Variants in CHFR observed in about 807,000 individuals in gnomAD.
CHFR encodes the protein E3 ubiquitin-protein ligase CHFR.
A neutral mutation model predicts 87.6 loss-of-function variants in CHFR; 57 were observed. The ratio of observed to expected loss-of-function variants is 0.65; its 90% CI spans 0.53 to 0.81. The LOEUF (loss-of-function observed/expected upper bound fraction) is 0.81, where lower values mean the gene tolerates loss of function less well. CHFR is among the 30% of genes least tolerant of loss of function. The pLI is 0.00. For synonymous variants in CHFR, 381 were observed against 359.2 expected (o/e 1.06, Z -0.69); for missense variants, 797 against 865.8 (o/e 0.92, Z 1.00).
Position 132,834,159 on chromosome 12 carries a change from G to C in CHFR, c.*7395C>G, listed in dbSNP as rs896472197. ...GCAGGTCTGCCGGGCGTACGTGGTG[G>C]GCCTGGGGTCCCCACTGGAAACAGC... On this transcript the variant is annotated 3_prime_UTR_variant, in exon 18 of 18. Transcript: ENST00000450056. 2.0e-5 allele frequency: 3 copies of C among 152,350 alleles called. No individual in the cohort carries two copies. Among genetic ancestry groups the C allele is most frequent in the African/African-American group, 7.2e-5 (3 of 41,398 alleles). The allele number at this position is 152,350 out of a possible 1,614,324, so 9.4% of individuals were successfully genotyped here.
chr12:132,836,745 A>C lies in CHFR; in HGVS notation c.*4809T>G, dbSNP rs1341076723. 2.2e-6 allele frequency: 1 copy of C among 456,082 alleles called. No individual in the cohort carries two copies. 28.3% of individuals were successfully genotyped at this position (456,082 alleles called of 1,614,324 possible). A position where few individuals can be genotyped will look rare whatever the true frequency, so the allele number is the denominator to read the frequency against. ...GACAACCGTGAAAAGTGAGCGACAG[A>C]GGAAGGGGCGCCTGTTTGTGCCGCG... is the stretch of plus-strand genomic sequence containing the variant. On this transcript the variant is annotated 3_prime_UTR_variant, in exon 18 of 18. Coordinates refer to ENST00000450056, the MANE Select transcript of CHFR (RefSeq NM_001161346.2).
chr12:132,881,867 CAAAAAA>C (rs57027326), intron 2 of CHFR, among the ~76,000 whole-genome samples: 1 of 98,154 alleles, frequency 1.0e-5, no homozygotes, highest in Non-Finnish European at 2.1e-5. Flanking sequence ...GACGCTGTCT[CAAAAAA>C]AAAAAAAAAA....
rs113380611 is a variant in CHFR, at chr12:132,836,442, A to T, written c.*5112T>A. On this transcript the variant is annotated 3_prime_UTR_variant, in exon 18 of 18. Transcript: ENST00000450056. Reference sequence around the variant, plus strand: ...CAGTGACAGGCTCCCAGCACGGCGCACGGCACTCACAGTGACAGGCTCCCA... The same window carrying T: ...CAGTGACAGGCTCCCAGCACGGCGCTCGGCACTCACAGTGACAGGCTCCCA... 25 of 316,538 alleles carry T rather than the reference A, an allele frequency of 7.9e-5. No homozygotes were observed. The highest frequency in any genetic ancestry group is 1.2e-4 in the Non-Finnish European group (20 of 170,402). 19.6% of individuals were successfully genotyped at this position (316,538 alleles called of 1,614,324 possible).
rs1950654393 is a variant in CHFR, at chr12:132,837,182, G to A, written c.*4372C>T. ...GGTTTTCTGAGGGGTGGAGGCAGGG[G>A]TCATACATGCTGGGCCTTCAAGGGC... On this transcript the variant is annotated 3_prime_UTR_variant, in exon 18 of 18. Coordinates refer to ENST00000450056, the MANE Select transcript of CHFR (RefSeq NM_001161346.2). The A allele has an allele frequency of 3.7e-6, 1 of 268,488 alleles. No individual in the cohort carries two copies. The highest frequency in any genetic ancestry group is 1.4e-3 in the Middle Eastern group (1 of 724). 16.6% of individuals were successfully genotyped at this position (268,488 alleles called of 1,614,324 possible). A position where few individuals can be genotyped will look rare whatever the true frequency, so the allele number is the denominator to read the frequency against.
Position 132,853,864 on chromosome 12 carries a change from G to A in CHFR, c.1230-291C>T, listed in dbSNP as rs917794599. On this transcript the variant is annotated intron_variant, in intron 10 of 17. Transcript: ENST00000450056. ...CTGACGTGTGCTCCCAGGAGACGAC[G>A]CCAGAGCAGGGCAAGGGCCAGCACG... The A allele has an allele frequency of 1.3e-4, 56 of 424,684 alleles. No homozygotes were observed. The Middle Eastern group carries it at 1.8e-3, about 14-fold the overall frequency. The allele number at this position is 424,684 out of a possible 1,614,324, so 26.3% of individuals were successfully genotyped here.
At chr12:132,885,903 T>C (rs895200623) in intron 2 of CHFR, among the ~76,000 whole-genome samples, 1 of 152,150 alleles carries the variant, frequency 6.6e-6, no homozygotes, top group South Asian at 2.1e-4. Flanking sequence ...TTCAAATACT[T>C]CCTCTTGTCT....
rs1215978243 is a variant in CHFR, at chr12:132,848,304, G to A, written c.1577-149C>T. On this transcript the variant is annotated intron_variant, in intron 13 of 17. Coordinates refer to ENST00000450056, the MANE Select transcript of CHFR (RefSeq NM_001161346.2). ...ATGATAAAACTCAATTTTAAACAGA[G>A]GACAAGCAGAAATGATTTCCATTCC... is the stretch of plus-strand genomic sequence containing the variant. 2.8e-6 allele frequency: 4 copies of A among 1,410,778 alleles called. No homozygotes were observed. The African/African-American group carries it at 5.7e-5, about 20-fold the overall frequency. 87.4% of individuals were successfully genotyped at this position (1,410,778 alleles called of 1,614,324 possible).
At chr12:132,853,328 G>A in intron 11 of CHFR, 103 bp downstream of exon 11, 2 of 1,256,550 alleles carry the variant, frequency 1.6e-6, no homozygotes, top group Non-Finnish European at 2.1e-6. Context: ...GGCGAGCAGT[G>A]CAGACAGGAG....
At chr12:132,852,994 G>A (rs893914764) in intron 11 of CHFR, among the ~76,000 whole-genome samples, 1 of 152,220 alleles carries the variant, frequency 6.6e-6, no homozygotes, top group African/African-American at 2.4e-5. Flanking sequence ...ACCTGACGGG[G>A]AAACATTTCG....
chr12:132,873,600 G>T (rs1951545530), intron 3 of CHFR, among the ~76,000 whole-genome samples: 1 of 142,116 alleles, frequency 7.0e-6, no homozygotes. Context: ...CGCTGGAGCT[G>T]GACTGACTTT....
At chr12:132,847,694 C>G in intron 14 of CHFR, 1 of 1,109,418 alleles carries the variant, frequency 9.0e-7, no homozygotes, top group Non-Finnish European at 1.1e-6. Context: ...GAGGTAGCTT[C>G]CTAGACGTGG....
intron 3 of CHFR, among the ~76,000 whole-genome samples, chr12:132,874,760 GGA>G (rs1951585115): frequency 1.3e-5 from 2 of 149,350 alleles, no homozygotes; most frequent in African/African-American, 5.0e-5. Context: ...GCCAGGCCCT[GGA>G]ACAGGCGGGA....
At chr12:132,857,642 A>G in intron 8 of CHFR, 83 bp from the exon 9 acceptor site, 2 of 1,379,868 alleles carry the variant, frequency 1.4e-6, no homozygotes, top group South Asian at 2.6e-5. Context: ...CAGCCCCACC[A>G]CGGAAGGGCC....
chr12:132,874,397 T>C (rs1278640206), intron 3 of CHFR, among the ~76,000 whole-genome samples: 92 of 80,148 alleles, frequency 1.1e-3, no homozygotes, highest in Middle Eastern at 0.022. Flanking sequence ...CTGGAACAGG[T>C]AGAAAGGCCC....
chr12:132,859,043 G>A, intron 8 of CHFR, 25 bp downstream of exon 8: 4 of 1,603,444 alleles, frequency 2.5e-6, no homozygotes, highest in Non-Finnish European at 3.4e-6. Context: ...CATGTTCCGT[G>A]AGCCAAGGGT....
intron 2 of CHFR, 53 bp from the exon 3 acceptor site, chr12:132,877,707 A>G (rs1951660964): frequency 5.2e-6 from 6 of 1,158,040 alleles, no homozygotes; most frequent in Non-Finnish European, 6.3e-6. Context: ...AACTGTGAAC[A>G]CTACTGCACT....
chr12:132,856,764 G>C (rs1951079306), intron 9 of CHFR, 134 bp from the exon 10 acceptor site: 3 of 1,014,972 alleles, frequency 3.0e-6, no homozygotes, highest in Non-Finnish European at 3.1e-6. Flanking sequence ...ACGTGCCCGG[G>C]TGCTGGTGGA....
chr12:132,883,468 C>G (rs1593540558), intron 2 of CHFR, among the ~76,000 whole-genome samples: 1 of 147,862 alleles, frequency 6.8e-6, no homozygotes, highest in Non-Finnish European at 1.5e-5. Context: ...GCTCACGCCT[C>G]TAATCCCAGC....
At chr12:132,866,393 T>TACA (rs1361993499) in intron 6 of CHFR, 5 of 151,162 alleles carry the variant, frequency 3.3e-5, no homozygotes, top group Non-Finnish European at 7.4e-5. Flanking sequence ...GTTGGAATGT[T>TACA]ACAACAGACC....
Sources: allele counts gnomAD v4.1 joint callset (sites outside exome capture counted in the v4.1 genomes callset), GRCh38; gene constraint gnomAD v4.1.1; transcripts MANE v1.5; gene names NCBI Gene and HGNC (gene_info 2026-07-23, HGNC 2026-07-21).